The following STK3 variants were observed in gnomAD, a reference collection of about 807,000 sequenced individuals.
STK3 encodes serine/threonine kinase 3.
A neutral mutation model predicts 58.0 loss-of-function variants in STK3; 41 were observed. That is an observed-to-expected ratio of 0.71 (90% CI 0.55 to 0.92). The LOEUF is 0.92. Ranked by LOEUF, STK3 falls within the 40% of genes least tolerant of loss-of-function variation. The pLI is 0.00. For synonymous variants in STK3, 170 were observed against 191.0 expected, an observed-to-expected ratio of 0.89 and a Z score of 0.91; for missense variants, 479 against 602.7, an observed-to-expected ratio of 0.79 and a Z score of 2.15.
chr8:98,908,991 A>G (rs1839029395), intron 1 of STK3, among the ~76,000 whole-genome samples: 1 of 152,006 alleles, frequency 6.6e-6, no homozygotes, highest in East Asian at 1.9e-4. Flanking sequence ...CCCTGTCTCT[A>G]CTAAAAATAC....
chr8:98,712,251 C>A (rs954398627), intron 4 of STK3, among the ~76,000 whole-genome samples: 1 of 152,154 alleles, frequency 6.6e-6, no homozygotes. Flanking sequence ...CAGCTAACAT[C>A]ATAATGACAG....
chr8:98,423,946 C>T (rs1160514310), intron 3 of STK3, among the ~76,000 whole-genome samples: 4 of 152,224 alleles, frequency 2.6e-5, no homozygotes, highest in Non-Finnish European at 4.4e-5. Flanking sequence ...TACCCCCTCA[C>T]CATCTTCCCA....
intron 2 of STK3, among the ~76,000 whole-genome samples, chr8:98,435,097 CT>C (rs1275108722): frequency 6.6e-6 from 1 of 152,160 alleles, no homozygotes; most frequent in African/African-American, 2.4e-5. Context: ...CAGGAGCCCC[CT>C]GGAAGCATTT....
chr8:98,550,049 T>C (rs764318043), intron 8 of STK3, among the ~76,000 whole-genome samples: 14 of 152,138 alleles, frequency 9.2e-5, no homozygotes, highest in Non-Finnish European at 1.9e-4. Context: ...TTAGAAAAAC[T>C]TGATTACGCA....
the STK3 span, among the ~76,000 whole-genome samples, chr8:98,346,330 C>T: frequency 6.6e-6 from 1 of 150,622 alleles, no homozygotes; most frequent in Admixed American, 6.6e-5. Context: ...GGTGGGACAA[C>T]TCCAACAGCC....
chr8:98,398,499 C>T (rs1295405873), downstream of STK3, among the ~76,000 whole-genome samples: 1 of 152,128 alleles, frequency 6.6e-6, no homozygotes, highest in Non-Finnish European at 1.5e-5. Flanking sequence ...ATATGGAAGG[C>T]CAAAACCCCC....
At chr8:98,607,589 C>T (rs551008387) in intron 6 of STK3, among the ~76,000 whole-genome samples, 14 of 152,236 alleles carry the variant, frequency 9.2e-5, no homozygotes, top group Admixed American at 6.5e-4. Context: ...ATGAGAAATA[C>T]GCATAAACTA....
chr8:98,510,580 C>T lies in STK3; in HGVS notation c.1317+16162G>A, dbSNP rs200474742. The stretch of plus-strand genomic sequence containing the variant: ...ATAATTTCTATAAAATATTTAAATG[C>T]AGTTTTTTTTTACAACTAGAATTCT... On this transcript the variant is annotated intron_variant, in intron 10 of 10. Coordinates refer to ENST00000419617, the MANE Select transcript of STK3 (RefSeq NM_006281.4). Among the ~76,000 whole-genome samples, 15 of 151,800 alleles carry T rather than the reference C, an allele frequency of 9.9e-5. No homozygotes were observed. In the East Asian group the frequency reaches 2.9e-3, roughly 29 times the overall value.
chr8:98,838,653 G>A (rs773831675), intron 3 of STK3, among the ~76,000 whole-genome samples: 3 of 152,168 alleles, frequency 2.0e-5, no homozygotes, highest in Non-Finnish European at 4.4e-5. Context: ...AAAAAGTTTG[G>A]AAAGATGAAA....
intron 6 of STK3, among the ~76,000 whole-genome samples, chr8:98,684,721 T>C (rs915776346): frequency 6.6e-6 from 1 of 152,162 alleles, no homozygotes; most frequent in Non-Finnish European, 1.5e-5. Context: ...CATTATTACG[T>C]AGCAACAATA....
At chr8:98,592,024 T>A (rs1695296269) in intron 7 of STK3, among the ~76,000 whole-genome samples, 1 of 152,220 alleles carries the variant, frequency 6.6e-6, no homozygotes, top group Non-Finnish European at 1.5e-5. Context: ...ACTATTTTTT[T>A]AAACTCAGGT....
intron 3 of STK3, among the ~76,000 whole-genome samples, chr8:98,762,253 T>TTTTTG (rs1262238645): frequency 1.3e-5 from 2 of 152,168 alleles, no homozygotes; most frequent in African/African-American, 2.4e-5. Context: ...TTGTTTCTTT[T>TTTTTG]TTTTGTTTTG....
In STK3 at chr8:98,554,721, CTAGT is replaced by C. The variant is rs760732784; in HGVS notation, c.949-6564_949-6561del. On this transcript the variant is annotated intron_variant, in intron 8 of 10. Transcript: ENST00000419617. ...TAATAAAGTACAGATGGAATGATAA[CTAGT>C]TAAACGAAATTAGAAAACTCACTTA... is the stretch of plus-strand genomic sequence containing the variant. 5.2e-4 allele frequency among the ~76,000 whole-genome samples: 79 copies of C among 152,166 alleles called. No homozygotes were observed. The Middle Eastern group carries it at 0.031, about 59-fold the overall frequency.
chr8:98,610,460 G>C (rs1242039887), intron 6 of STK3, among the ~76,000 whole-genome samples: 1 of 152,156 alleles, frequency 6.6e-6, no homozygotes, highest in Non-Finnish European at 1.5e-5. Context: ...TCAATCCAAA[G>C]TAAATCAATA....
At chr8:98,820,834 C>G (rs1395579285) in intron 1 of STK3, among the ~76,000 whole-genome samples, 1 of 152,138 alleles carries the variant, frequency 6.6e-6, no homozygotes, top group South Asian at 2.1e-4. Flanking sequence ...AAAAGTTAAC[C>G]TGGTGTGGTG....
chr8:98,536,099 G>A (rs574775419), intron 9 of STK3, among the ~76,000 whole-genome samples: 12 of 152,206 alleles, frequency 7.9e-5, no homozygotes, highest in South Asian at 4.2e-4. Flanking sequence ...AGCCTTGTGC[G>A]TGCTCCTGAC....
chr8:98,688,418 T>C (rs949077235), intron 6 of STK3, among the ~76,000 whole-genome samples: 1 of 152,156 alleles, frequency 6.6e-6, no homozygotes, highest in African/African-American at 2.4e-5. Flanking sequence ...CTTGACCAAC[T>C]GAACCTGATA....
the STK3 span, among the ~76,000 whole-genome samples, chr8:98,361,485 G>C: frequency 6.6e-6 from 1 of 152,128 alleles, no homozygotes; most frequent in Admixed American, 6.5e-5. Flanking sequence ...TGGCATGCAG[G>C]TAATAATAAT....
chr8:98,464,938 G>A, intron 10 of STK3, among the ~76,000 whole-genome samples: 1 of 151,984 alleles, frequency 6.6e-6, no homozygotes, highest in Non-Finnish European at 1.5e-5. Flanking sequence ...AAATATTCTG[G>A]GATTACAATT....
Sources: gnomAD v4.1 joint callset for allele counts (sites outside exome capture counted in the v4.1 genomes callset) on GRCh38, gnomAD v4.1.1 for gene constraint, MANE v1.5 for transcripts, NCBI Gene and HGNC (gene_info 2026-07-23, HGNC 2026-07-21) for gene names.